LRRC43: variants seen among roughly 807,000 people sequenced by gnomAD.
The protein encoded by LRRC43 is leucine-rich repeat-containing protein 43.
In LRRC43, 62 loss-of-function variants were observed where a neutral mutation model predicts 64.3. That is an observed-to-expected ratio of 0.96 (90% confidence interval 0.79 to 1.19). The LOEUF (loss-of-function observed/expected upper bound fraction) is 1.19. Among genes scored for constraint, LRRC43 ranks in the 50% most tolerant of loss-of-function variants. The probability of loss-of-function intolerance (pLI) is 0.00; values close to 1 mark genes in which losing one functional copy is unlikely to be tolerated. For synonymous variants in LRRC43, 422 were observed against 382.3 expected, an observed-to-expected ratio of 1.10 and a Z score of -1.21; for missense variants, 868 against 845.0, an observed-to-expected ratio of 1.03 and a Z score of -0.34.
At chr12:122,170,020 T>A (rs1953471539) in intron 1 of LRRC43, among the ~76,000 whole-genome samples, 1 of 152,084 alleles carries the variant, frequency 6.6e-6, no homozygotes, top group Admixed American at 6.6e-5. Flanking sequence ...TTGCCCAGCC[T>A]GGTCTCGAGC....
intron 7 of LRRC43, among the ~76,000 whole-genome samples, chr12:122,197,545 C>T (rs902057082): frequency 2.0e-5 from 3 of 152,070 alleles, no homozygotes; most frequent in Admixed American, 6.6e-5. Context: ...AGGTTCGTCA[C>T]GTCCGCAAGG....
At chr12:122,180,387 C>T (rs571661860), upstream of LRRC43, among the ~76,000 whole-genome samples, 2 of 152,066 alleles carry the variant, frequency 1.3e-5, no homozygotes, top group East Asian at 1.9e-4. Context: ...GGCATGGTGG[C>T]GGGAGCCTGC....
In LRRC43 at chr12:122,185,460, G is replaced by A. The variant is rs116842660; in HGVS notation, c.411+681G>A. ...TGCACTCCAGCCTGGGTGACAGAAT[G>A]AGACCCTGTCTCAATCAATTAAGCA... On this transcript the variant is annotated intron_variant, in intron 2 of 11. Coordinates refer to ENST00000339777, the MANE Select transcript of LRRC43 (RefSeq NM_001098519.2). Among the ~76,000 whole-genome samples the A allele has an allele frequency of 8.8e-3, 1,335 of 152,258 alleles. 11 individuals carry two copies. Among genetic ancestry groups the A allele is most frequent in the Admixed American group, 0.029 (438 of 15,272 alleles).
Position 122,200,165 on chromosome 12 carries a change from C to T in LRRC43, c.1350-24C>T, listed in dbSNP as rs748784346. 34 of 1,608,396 alleles carry T rather than the reference C, an allele frequency of 2.1e-5. No homozygotes were observed. In the Middle Eastern group the frequency reaches 5.0e-4, roughly 24 times the overall value. On this transcript the variant is annotated intron_variant, in intron 7 of 11. Transcript: ENST00000339777. The surrounding 1 kb of genome is among the most constrained non-coding windows in gnomAD (Gnocchi z 4.6). ...CACAGCCCCTGGGTGACGGCACCCC[C>T]GTCTTCATCCCTCCCTCCCCAAGGA...
At chr12:122,172,810 T>G (rs1953499277) in intron 1 of LRRC43, 4 of 1,239,128 alleles carry the variant, frequency 3.2e-6, no homozygotes, top group Non-Finnish European at 4.5e-6. Context: ...CAGTGAATGT[T>G]TGCATGCTTC....
At chr12:122,201,413 A>C in intron 11 of LRRC43, 84 bp downstream of exon 11, 2 of 1,263,138 alleles carry the variant, frequency 1.6e-6, no homozygotes, top group Admixed American at 3.4e-5. Flanking sequence ...CAAAGGAACC[A>C]AAGGGTGGGG....
At chr12:122,182,891 C>T (rs956456577), upstream of LRRC43, 1 of 528,770 alleles carries the variant, frequency 1.9e-6, no homozygotes, top group Admixed American at 3.9e-5. Context: ...GATGACTTTC[C>T]GTGGGGAGTG....
intron 1 of LRRC43, among the ~76,000 whole-genome samples, chr12:122,183,524 C>T (rs1218389221): frequency 6.6e-6 from 1 of 152,200 alleles, no homozygotes; most frequent in African/African-American, 2.4e-5. Flanking sequence ...GGGCTGGGGC[C>T]TCTCCCTGAC....
intron 1 of LRRC43, among the ~76,000 whole-genome samples, chr12:122,177,059 A>G (rs1201529288): frequency 6.6e-6 from 1 of 152,194 alleles, no homozygotes; most frequent in Non-Finnish European, 1.5e-5. Flanking sequence ...CATGGTAGGC[A>G]TGACCTTCAT....
chr12:122,178,264 T>C (rs1444782730), upstream of LRRC43, among the ~76,000 whole-genome samples: 1 of 152,144 alleles, frequency 6.6e-6, no homozygotes, highest in Non-Finnish European at 1.5e-5. Flanking sequence ...GACCCCTCTA[T>C]AGCATGAAAC....
At chr12:122,171,678 C>T (rs1262718338) in intron 1 of LRRC43, among the ~76,000 whole-genome samples, 2 of 151,932 alleles carry the variant, frequency 1.3e-5, no homozygotes, top group African/African-American at 2.4e-5. Context: ...CCATCACCAT[C>T]GCCATTTCCA....
chr12:122,172,591 C>T (rs767155565), intron 1 of LRRC43: 6 of 1,614,172 alleles, frequency 3.7e-6, no homozygotes, highest in African/African-American at 1.3e-5. Context: ...TCTATGATCT[C>T]ATCAATAACA....
chr12:122,182,366 A>G (rs1327511330), upstream of LRRC43, among the ~76,000 whole-genome samples: 1 of 152,114 alleles, frequency 6.6e-6, no homozygotes, highest in East Asian at 1.9e-4. Context: ...TCTACTAAAA[A>G]TACACATTAG....
Position 122,186,398 on chromosome 12 carries a change from G to A in LRRC43, c.522+98G>A, listed in dbSNP as rs371216115. ...ATAGTGTGGCCAGCATGGGTGGAGGGTAAGGCCCAGCTCCAGGCTTTTAAA... is the reference window on the plus strand; with the variant it reads ...ATAGTGTGGCCAGCATGGGTGGAGGATAAGGCCCAGCTCCAGGCTTTTAAA... On this transcript the variant is annotated intron_variant, in intron 3 of 11. Transcript: ENST00000339777. 2.4e-4 allele frequency: 173 copies of A among 730,382 alleles called. 1 individual carries two copies. In the East Asian group the frequency reaches 3.7e-3, roughly 16 times the overall value. The allele number at this position is 730,382 out of a possible 1,614,324, so 45.2% of individuals were successfully genotyped here.
chr12:122,171,288 G>A (rs533635067), intron 1 of LRRC43, among the ~76,000 whole-genome samples: 11 of 152,356 alleles, frequency 7.2e-5, no homozygotes, highest in Admixed American at 2.0e-4. Flanking sequence ...CCTTGAGCAA[G>A]TGACTGACTG....
At chr12:122,193,850 G>C (rs959076291) in intron 7 of LRRC43, among the ~76,000 whole-genome samples, 1 of 152,148 alleles carries the variant, frequency 6.6e-6, no homozygotes, top group Non-Finnish European at 1.5e-5. Flanking sequence ...GTCAGCCATC[G>C]CGCCCAGCCT....
At chr12:122,182,522 C>CAAAA (rs71082944), upstream of LRRC43, among the ~76,000 whole-genome samples, 2 of 28,868 alleles carry the variant, frequency 6.9e-5, no homozygotes, top group African/African-American at 1.6e-4. Flanking sequence ...AACTCGGTCT[C>CAAAA]AAAAAAAAAA....
At position 122,200,420 on chromosome 12, in the gene LRRC43, C is replaced by T; in HGVS notation, c.1491+90C>T. 6.2e-7 allele frequency: 1 copy of T among 1,605,288 alleles called. No individual in the cohort carries two copies. ...ATCGGGCTGTCCCCCATGGGAGCCG[C>T]ACTCCCTGGTTAGATGAGTTCTCAG... On this transcript the variant is annotated intron_variant, in intron 8 of 11. Coordinates refer to ENST00000339777, the MANE Select transcript of LRRC43 (RefSeq NM_001098519.2). This position sits in a 1 kb window ranked among gnomAD's most constrained non-coding sequence, Gnocchi z 4.6.
intron 7 of LRRC43, among the ~76,000 whole-genome samples, chr12:122,197,882 A>G (rs1181659507): frequency 6.6e-6 from 1 of 152,040 alleles, no homozygotes; most frequent in African/African-American, 2.4e-5. Context: ...TGTATCATTC[A>G]TGTACATATG....
Sources: gnomAD v4.1 joint callset for allele counts (sites outside exome capture counted in the v4.1 genomes callset) on GRCh38, gnomAD v4.1.1 for gene constraint, Gnocchi (gnomAD v3.1) non-coding constraint, MANE v1.5 for transcripts, NCBI Gene and HGNC (gene_info 2026-07-23, HGNC 2026-07-21) for gene names.